SPTLC2: variants seen among roughly 807,000 people sequenced by gnomAD.
The protein encoded by SPTLC2 is serine palmitoyltransferase 2.
Under a neutral mutation model 62.0 loss-of-function variants are expected in SPTLC2, and 21 were observed. The ratio of observed to expected loss-of-function variants is 0.34; its 90% confidence interval spans 0.24 to 0.49. The LOEUF is 0.49. SPTLC2 is among the 20% of genes least tolerant of loss of function. The pLI, the probability that SPTLC2 is intolerant of heterozygous loss-of-function variation, is 0.99. For missense variants in SPTLC2, 511 were observed against 713.0 expected (o/e 0.72, Z 3.23); for synonymous variants, 261 against 261.8 (o/e 1.00, Z 0.03).
chr14:77,592,261 A>G (rs1357025908), intron 2 of SPTLC2, among the ~76,000 whole-genome samples: 1 of 151,732 alleles, frequency 6.6e-6, no homozygotes, highest in Non-Finnish European at 1.5e-5. Context: ...CAGCCTCCCA[A>G]GTAGCTGGGA....
intron 5 of SPTLC2, among the ~76,000 whole-genome samples, chr14:77,570,113 CT>C (rs1298935875): frequency 6.7e-6 from 1 of 149,780 alleles, no homozygotes; most frequent in Non-Finnish European, 1.5e-5. Context: ...GTCCCAGCTA[CT>C]TGGGAGGCTG....
At chr14:77,564,429 ACACACACAC>A (rs1266587502) in intron 5 of SPTLC2, among the ~76,000 whole-genome samples, 85 of 148,960 alleles carry the variant, frequency 5.7e-4, no homozygotes, top group African/African-American at 2.0e-3. Context: ...ACACACACAC[ACACACACAC>A]ACACACACAC....
At chr14:77,570,655 T>G in intron 4 of SPTLC2, 147 bp from the exon 5 acceptor site, 1 of 922,256 alleles carries the variant, frequency 1.1e-6, no homozygotes, top group South Asian at 1.5e-5. Flanking sequence ...AGAGTAATAT[T>G]CTTCATAATA....
intron 9 of SPTLC2, among the ~76,000 whole-genome samples, chr14:77,551,478 C>T (rs2079555509): frequency 6.6e-6 from 1 of 151,826 alleles, no homozygotes; most frequent in African/African-American, 2.4e-5. Context: ...AGACAGACAC[C>T]CAGTTGCTCC....
At chr14:77,532,110 G>C (rs2079443765) in intron 9 of SPTLC2, among the ~76,000 whole-genome samples, 1 of 152,132 alleles carries the variant, frequency 6.6e-6, no homozygotes, top group African/African-American at 2.4e-5. Context: ...TGTGGGCTCA[G>C]GAACTCTCCT....
At chr14:77,558,978 T>C (rs915220582) in intron 6 of SPTLC2, among the ~76,000 whole-genome samples, 2 of 152,146 alleles carry the variant, frequency 1.3e-5, no homozygotes, top group Non-Finnish European at 2.9e-5. Flanking sequence ...GTTTTCTCTG[T>C]TTATATATAG....
intron 5 of SPTLC2, among the ~76,000 whole-genome samples, chr14:77,566,210 T>C (rs1316157911): frequency 2.0e-5 from 3 of 152,248 alleles, no homozygotes; most frequent in African/African-American, 7.2e-5. Flanking sequence ...TTATTCAGCA[T>C]TTCAATGTAT....
chr14:77,548,953 C>T (rs1329361303), intron 9 of SPTLC2, among the ~76,000 whole-genome samples: 1 of 152,190 alleles, frequency 6.6e-6, no homozygotes, highest in African/African-American at 2.4e-5. Context: ...ACTTTCAATA[C>T]CAGGTACTTA....
At chr14:77,524,820 G>A (rs1419206733) in intron 9 of SPTLC2, among the ~76,000 whole-genome samples, 1 of 152,166 alleles carries the variant, frequency 6.6e-6, no homozygotes, top group Non-Finnish European at 1.5e-5. Flanking sequence ...TGGAGGTAGA[G>A]AGTAGAACAG....
intron 2 of SPTLC2, among the ~76,000 whole-genome samples, chr14:77,596,790 G>C (rs537495536): frequency 6.6e-6 from 1 of 152,294 alleles, no homozygotes; most frequent in East Asian, 1.9e-4. Context: ...AACCTTTTCA[G>C]AAAATGGTAA....
chr14:77,547,143 G>A (rs1039605718), intron 9 of SPTLC2, among the ~76,000 whole-genome samples: 2 of 151,872 alleles, frequency 1.3e-5, no homozygotes, highest in Non-Finnish European at 2.9e-5. Context: ...GGGATTACAG[G>A]TGTGAGCCAT....
chr14:77,516,075 A>G (rs2139991928), intron 11 of SPTLC2, among the ~76,000 whole-genome samples: 1 of 148,640 alleles, frequency 6.7e-6, no homozygotes, highest in Non-Finnish European at 1.5e-5. Flanking sequence ...CATGAGGCCC[A>G]TTATTAAATG....
chr14:77,607,498 TTTTTA>T (rs773646755), intron 1 of SPTLC2, among the ~76,000 whole-genome samples: 3 of 152,338 alleles, frequency 2.0e-5, no homozygotes, highest in East Asian at 3.9e-4. Context: ...AGATTTTCTT[TTTTTA>T]TTTTATTAAT....
At chr14:77,586,904 G>T (rs2079784607) in intron 2 of SPTLC2, among the ~76,000 whole-genome samples, 1 of 152,106 alleles carries the variant, frequency 6.6e-6, no homozygotes, top group Non-Finnish European at 1.5e-5. Flanking sequence ...TTAAATTCTG[G>T]CAATACTGAG....
At chr14:77,583,611 T>G (rs994782958) in intron 2 of SPTLC2, among the ~76,000 whole-genome samples, 3 of 152,156 alleles carry the variant, frequency 2.0e-5, no homozygotes. Flanking sequence ...CACTGTGAAG[T>G]GACTTTAGTT....
intron 6 of SPTLC2, among the ~76,000 whole-genome samples, chr14:77,557,704 C>T (rs779673338): frequency 2.6e-5 from 4 of 152,138 alleles, no homozygotes; most frequent in Admixed American, 6.5e-5. Context: ...AAAATACACC[C>T]GTCTGGGGCA....
chr14:77,540,666 G>A (rs2079496088), intron 9 of SPTLC2, among the ~76,000 whole-genome samples: 1 of 152,010 alleles, frequency 6.6e-6, no homozygotes, highest in Non-Finnish European at 1.5e-5. Context: ...GTAGAGATGG[G>A]GTTTCGCTAT....
At chr14:77,596,641 T>C (rs987800289) in intron 2 of SPTLC2, among the ~76,000 whole-genome samples, 3 of 152,076 alleles carry the variant, frequency 2.0e-5, no homozygotes, top group African/African-American at 7.2e-5. Context: ...AAAACAAGAG[T>C]GTTGTTTACC....
chr14:77,615,279 T>C (rs1263150058), intron 1 of SPTLC2, among the ~76,000 whole-genome samples: 1 of 152,234 alleles, frequency 6.6e-6, no homozygotes, highest in African/African-American at 2.4e-5. Context: ...TTTACTTATT[T>C]TTCCCCTCAA....
Sources: allele counts gnomAD v4.1 joint callset (sites outside exome capture counted in the v4.1 genomes callset), GRCh38; gene constraint gnomAD v4.1.1; transcripts MANE v1.5; gene names NCBI Gene and HGNC (gene_info 2026-07-23, HGNC 2026-07-21).